The following MYH9 variants were observed in gnomAD, a reference collection of about 807,000 sequenced individuals.
MYH9 encodes the protein myosin heavy chain 9, also known as myosin-9.
A neutral mutation model predicts 241.9 loss-of-function variants in MYH9; 29 were observed. That is an observed-to-expected ratio of 0.12 (90% confidence interval 0.09 to 0.16). The LOEUF (loss-of-function observed/expected upper bound fraction) is 0.16. Among genes scored for constraint, MYH9 ranks in the 10% least tolerant of loss-of-function variants. MYH9 has a pLI of 1.00. For synonymous variants in MYH9, 1,047 were observed against 1,062.6 expected, an observed-to-expected ratio of 0.99 and a Z score of 0.29; for missense variants, 1,803 against 2,595.5, an observed-to-expected ratio of 0.69 and a Z score of 6.63.
Position 36,293,389 on chromosome 22 carries a change from C to T in MYH9, c.4035G>A (p.Leu1345=), listed in dbSNP as rs1356762022. The change falls in exon 30 of 41, where the codon CTG becomes CTA. Residue 1345 remains leucine, a synonymous_variant. Coordinates refer to ENST00000216181, the MANE Select transcript of MYH9 (RefSeq NM_002473.6). This position sits in a 1 kb window ranked among gnomAD's most constrained non-coding sequence, Gnocchi z 5.1. ...TGTGCTTGGCCTCCTCCTCCTCCTC[C>T]AGCTGCTCCCGGAAGGAATTCTTCT... ...EDEKNSFREQ[L]EEEEEAKHNL... 4 of 1,614,068 alleles carry T rather than the reference C, an allele frequency of 2.5e-6. No individual in the cohort carries two copies. Among genetic ancestry groups the T allele is most frequent in the Non-Finnish European group, 3.4e-6 (4 of 1,180,042 alleles).
At chr22:36,282,857 C>T in intron 40 of MYH9, 72 bp from the exon 41 acceptor site, 2 of 1,338,628 alleles carry the variant, frequency 1.5e-6, no homozygotes, top group East Asian at 2.5e-5. Flanking sequence ...ACAGCCCACA[C>T]ATCTCAAAGT....
chr22:36,299,639 G>A (rs936186591), intron 23 of MYH9, among the ~76,000 whole-genome samples: 1 of 152,166 alleles, frequency 6.6e-6, no homozygotes. Flanking sequence ...CGAAAGGTGG[G>A]GAGGCTGCCT....
intron 3 of MYH9, among the ~76,000 whole-genome samples, chr22:36,337,178 G>A (rs2017513106): frequency 6.6e-6 from 1 of 152,200 alleles, no homozygotes; most frequent in Non-Finnish European, 1.5e-5. Flanking sequence ...GAAACTTGAT[G>A]GCAATGTCTG....
At position 36,330,341 on chromosome 22, in the gene MYH9, C is replaced by T. The variant is rs149823913; in HGVS notation, c.491-2853G>A. 5.6e-4 allele frequency among the ~76,000 whole-genome samples: 85 copies of T among 152,348 alleles called. No individual in the cohort carries two copies. Among genetic ancestry groups the T allele is most frequent in the African/African-American group, 2.0e-3 (84 of 41,584 alleles). The stretch of plus-strand genomic sequence containing the variant: ...TGCTTAGTATCCTAAATCCACCGGC[C>T]GGATGCACCACGAATCGTACCATGG... On this transcript the variant is annotated intron_variant, in intron 3 of 40. Coordinates refer to ENST00000216181, the MANE Select transcript of MYH9 (RefSeq NM_002473.6). This position sits in a 1 kb window ranked among gnomAD's most constrained non-coding sequence, Gnocchi z 4.5.
In MYH9 at chr22:36,305,885, C is replaced by A. The variant is rs377282135; in HGVS notation, c.2159+45G>T. On this transcript the variant is annotated intron_variant, in intron 17 of 40. Transcript: ENST00000216181. This position sits in a 1 kb window ranked among gnomAD's most constrained non-coding sequence, Gnocchi z 4.7. ...CAGCCCACCTCTGGGACTCACTGCA[C>A]GCACAGCAGGGCCCAGGAGAAGCGG... The A allele has an allele frequency of 2.2e-5, 36 of 1,611,056 alleles. No homozygotes were observed. In the Admixed American group the frequency reaches 6.0e-4, roughly 27 times the overall value.
intron 40 of MYH9, among the ~76,000 whole-genome samples, chr22:36,283,655 C>T (rs766062585): frequency 5.9e-5 from 9 of 151,988 alleles, no homozygotes; most frequent in Middle Eastern, 3.4e-3. Context: ...CAAAAAAACA[C>T]GTAAGAAATG....
At chr22:36,357,057 T>C (rs1011238455) in intron 1 of MYH9, among the ~76,000 whole-genome samples, 4 of 152,228 alleles carry the variant, frequency 2.6e-5, no homozygotes, top group African/African-American at 9.6e-5. Flanking sequence ...TAAATACACA[T>C]AATGATGAGA....
rs1276963915 is a variant in MYH9, at chr22:36,288,224, C to A, written c.4932+28G>T. ...AGTTGGCTCAGTCGGGTGCCGCCCA[C>A]CCTCACCTGGGCCCCGCCCACCCTT... On this transcript the variant is annotated intron_variant, in intron 34 of 40. Coordinates refer to ENST00000216181, the MANE Select transcript of MYH9 (RefSeq NM_002473.6). This position sits in a 1 kb window ranked among gnomAD's most constrained non-coding sequence, Gnocchi z 4.8. The A allele has an allele frequency of 6.2e-7, 1 of 1,612,512 alleles. No homozygotes were observed. Among genetic ancestry groups the A allele is most frequent in the South Asian group, 1.1e-5 (1 of 91,058 alleles).
At chr22:36,318,502 A>G (rs1335734152) in intron 10 of MYH9, among the ~76,000 whole-genome samples, 177 bp from the exon 11 acceptor site, 1 of 152,184 alleles carries the variant, frequency 6.6e-6, no homozygotes, top group African/African-American at 2.4e-5. Flanking sequence ...GCCCTTCTTT[A>G]GCAGGGCCAC....
intron 23 of MYH9, among the ~76,000 whole-genome samples, chr22:36,299,910 C>T (rs899868111): frequency 6.6e-5 from 10 of 152,184 alleles, no homozygotes; most frequent in African/African-American, 2.4e-4. Flanking sequence ...GGGGAAAGGA[C>T]AAACCCTTCC....
At chr22:36,321,681 G>C in intron 7 of MYH9, 77 bp downstream of exon 7, 1 of 1,335,736 alleles carries the variant, frequency 7.5e-7, no homozygotes, top group Admixed American at 1.7e-5. Context: ...CTGGAATCAG[G>C]AGGCAGCTTC....
At chr22:36,335,059 T>C (rs2146378017) in intron 3 of MYH9, among the ~76,000 whole-genome samples, 1 of 152,112 alleles carries the variant, frequency 6.6e-6, no homozygotes, top group Admixed American at 6.5e-5. Flanking sequence ...AAGTGCTGTG[T>C]CATCTATCAA....
chr22:36,372,582 G>A (rs1452292004), intron 1 of MYH9, among the ~76,000 whole-genome samples: 1 of 151,978 alleles, frequency 6.6e-6, no homozygotes, highest in Non-Finnish European at 1.5e-5. Context: ...ATTTAATCAT[G>A]GGAGGTATTA....
At chr22:36,359,537 T>C (rs1156787804) in intron 1 of MYH9, among the ~76,000 whole-genome samples, 2 of 152,214 alleles carry the variant, frequency 1.3e-5, no homozygotes, top group Non-Finnish European at 2.9e-5. Flanking sequence ...AGGGAAAGAA[T>C]GCATACTGGG....
In MYH9 at chr22:36,301,072, T is replaced by G; in HGVS notation, c.2632-15A>C. 1 of 1,606,456 alleles carries G rather than the reference T, an allele frequency of 6.2e-7. No homozygotes were observed. The highest frequency in any genetic ancestry group is 8.5e-7 in the Non-Finnish European group (1 of 1,179,570). On this transcript the variant is annotated splice_polypyrimidine_tract_variant and intron_variant, in intron 21 of 40. Coordinates refer to ENST00000216181, the MANE Select transcript of MYH9 (RefSeq NM_002473.6). The stretch of plus-strand genomic sequence containing the variant: ...TCTGCCATGAGCTGCAAACAACAAG[T>G]GGAAAACACAAGCTCCTCGCAACAC...
intron 3 of MYH9, among the ~76,000 whole-genome samples, chr22:36,332,979 G>A (rs1426071667): frequency 1.3e-5 from 2 of 152,274 alleles, no homozygotes; most frequent in East Asian, 1.9e-4. Context: ...CTCCCAGTCC[G>A]GTTCCGCCTT....
Position 36,306,125 on chromosome 22 carries a change from A to G in MYH9, c.2038-74T>C, listed in dbSNP as rs139243133. On this transcript the variant is annotated intron_variant, in intron 16 of 40. Coordinates refer to ENST00000216181, the MANE Select transcript of MYH9 (RefSeq NM_002473.6). This position sits in a 1 kb window ranked among gnomAD's most constrained non-coding sequence, Gnocchi z 4.1. ...GTCGGAGAATAGTCAGGGAACCCCT[A>G]TGAACCTGACAGGGCAAGAGCCTAA... 9.1e-5 allele frequency: 146 copies of G among 1,599,314 alleles called. 2 individuals carry two copies. The Middle Eastern group carries it at 6.6e-3, about 72-fold the overall frequency.
rs145751072 is a variant in MYH9, at chr22:36,319,531, G to A, written c.1108+9C>T. On this transcript the variant is annotated intron_variant, in intron 10 of 40. Transcript: ENST00000216181. ...CCCATTATTTCCAGCGAGAGGCCCCGGGTGTTACCTGTGTTGTCGGGCATG... is the reference window on the plus strand; with the variant it reads ...CCCATTATTTCCAGCGAGAGGCCCCAGGTGTTACCTGTGTTGTCGGGCATG... The A allele has an allele frequency of 9.7e-3, 15,614 of 1,613,748 alleles. 124 individuals are homozygous for A. Among genetic ancestry groups the A allele is most frequent in the Non-Finnish European group, 9.9e-3 (11,662 of 1,179,696 alleles).
intron 24 of MYH9, chr22:36,297,329 G>T: frequency 2.7e-6 from 1 of 367,082 alleles, no homozygotes; most frequent in Non-Finnish European, 5.1e-6. Flanking sequence ...TAAAAAACAT[G>T]TTCAATTGTG....
Sources: gnomAD v4.1 joint callset for allele counts (sites outside exome capture counted in the v4.1 genomes callset) on GRCh38, gnomAD v4.1.1 for gene constraint, Gnocchi (gnomAD v3.1) non-coding constraint, MANE v1.5 for transcripts, NCBI Gene and HGNC (gene_info 2026-07-23, HGNC 2026-07-21) for gene names.